The following ABCB5 variants were observed in gnomAD, a reference collection of about 807,000 sequenced individuals.
The protein encoded by ABCB5 is ATP binding cassette subfamily B member 5, also known as ATP-binding cassette sub-family B member 5.
A neutral mutation model predicts 144.2 loss-of-function variants in ABCB5; 155 were observed. That is an observed-to-expected ratio of 1.08 (90% CI 0.94 to 1.23). ABCB5 has a LOEUF of 1.23. Ranked by LOEUF, ABCB5 falls within the 50% of genes most tolerant of loss-of-function variation. The pLI is 0.00. For missense variants in ABCB5, 1,830 were observed against 1,520.8 expected (o/e 1.20, Z -3.38); for synonymous variants, 610 against 528.6 (o/e 1.15, Z -2.11).
At position 20,646,789 on chromosome 7, in the gene ABCB5, C is replaced by A. The variant is rs554118932; in HGVS notation, c.981+651C>A. On this transcript the variant is annotated intron_variant, in intron 9 of 27. Coordinates refer to ENST00000404938, the MANE Select transcript of ABCB5 (RefSeq NM_001163941.2). ...TTGATCCTTGTTTGGCCTTTCCATT[C>A]TTACAGATTTCTCTTCTTTCCATTA... 1.6e-3 allele frequency among the ~76,000 whole-genome samples: 251 copies of A among 152,308 alleles called. 1 individual carries two copies. Among genetic ancestry groups the A allele is most frequent in the African/African-American group, 5.7e-3 (235 of 41,572 alleles).
At chr7:20,682,737 C>T (rs551300142) in intron 15 of ABCB5, among the ~76,000 whole-genome samples, 43 of 152,230 alleles carry the variant, frequency 2.8e-4, no homozygotes, top group African/African-American at 8.9e-4. Context: ...GGGATGCACA[C>T]GTAAAACCTT....
chr7:20,681,022 CTTTCTTTCTTTCTCTTTCTTTCTT>C lies in ABCB5; in HGVS notation c.1708-481_1708-458del, dbSNP rs879756355. Among the ~76,000 whole-genome samples the C allele has an allele frequency of 2.5e-3, 175 of 68,986 alleles. 11 individuals carry two copies. Among genetic ancestry groups the C allele is most frequent in the South Asian group, 5.1e-3 (8 of 1,562 alleles). 45.3% of individuals were successfully genotyped at this position (68,986 alleles called of 152,430 possible). A position where few individuals can be genotyped will look rare whatever the true frequency, so the allele number is the denominator to read the frequency against. ...TCTTTCTTTCTTTCTTTCTTTCTTT[CTTTCTTTCTTTCTCTTTCTTTCTT>C]TCTCTCTCTCTCTCTTTCTTTCTTT... is the stretch of plus-strand genomic sequence containing the variant. On this transcript the variant is annotated intron_variant, in intron 14 of 27. Coordinates refer to ENST00000404938, the MANE Select transcript of ABCB5 (RefSeq NM_001163941.2).
chr7:20,701,787 ATAAGT>A (rs1484442017), intron 19 of ABCB5, among the ~76,000 whole-genome samples: 1 of 152,246 alleles, frequency 6.6e-6, no homozygotes, highest in East Asian at 1.9e-4. Context: ...AAATATCCCC[ATAAGT>A]TAAGTTGTTT....
In ABCB5 at chr7:20,669,739, A is replaced by AG. The variant is rs1554282934; in HGVS notation, c.1707+11063_1707+11064insG. Among the ~76,000 whole-genome samples, 332 of 132,524 alleles carry AG rather than the reference A, an allele frequency of 2.5e-3. 1 individual carries two copies. The highest frequency in any genetic ancestry group is 5.5e-3 in the African/African-American group (194 of 35,446). The allele number at this position is 132,524 out of a possible 152,430, so 86.9% of individuals were successfully genotyped here. A position where few individuals can be genotyped will look rare whatever the true frequency, so the allele number is the denominator to read the frequency against. ...AATGATCAATAAAAAAAAAAAAAAA[A>AG]AAAAGAAAATAACATTCGTAACTTT... On this transcript the variant is annotated intron_variant, in intron 14 of 27. Coordinates refer to ENST00000404938, the MANE Select transcript of ABCB5 (RefSeq NM_001163941.2).
intron 16 of ABCB5, among the ~76,000 whole-genome samples, chr7:20,688,086 G>A (rs544501338): frequency 1.4e-4 from 21 of 152,092 alleles, no homozygotes; most frequent in Admixed American, 1.1e-3. Context: ...CTAGCTACTC[G>A]GGAGGCTGAG....
chr7:20,623,620 A>G (rs573133317), intron 2 of ABCB5, among the ~76,000 whole-genome samples: 1 of 152,248 alleles, frequency 6.6e-6, no homozygotes, highest in South Asian at 2.1e-4. Flanking sequence ...CTTGTCCACC[A>G]TTATACAGAA....
At chr7:20,688,632 G>T (rs11762814) in intron 16 of ABCB5, among the ~76,000 whole-genome samples, 1 of 151,994 alleles carries the variant, frequency 6.6e-6, no homozygotes, top group Non-Finnish European at 1.5e-5. Flanking sequence ...TATACCCCAA[G>T]GATTATAAAT....
chr7:20,645,655 A>G (rs1784386276), intron 7 of ABCB5, 101 bp from the exon 8 acceptor site: 2 of 1,387,262 alleles, frequency 1.4e-6, no homozygotes, highest in East Asian at 2.3e-5. Flanking sequence ...CTAAAAAAAT[A>G]CCATTAGTCT....
chr7:20,630,031 A>G lies in ABCB5; in HGVS notation c.259+1193A>G, dbSNP rs1784004131. ...TCTTATCTGTAGGCATCTTTCGTGT[A>G]TCGTTTGTAGCCTCCTATTTCAGGG... On this transcript the variant is annotated intron_variant, in intron 4 of 27. Coordinates refer to ENST00000404938, the MANE Select transcript of ABCB5 (RefSeq NM_001163941.2). Among the ~76,000 whole-genome samples the G allele has an allele frequency of 2.0e-5, 3 of 151,952 alleles. No homozygotes were observed. In the South Asian group the frequency reaches 6.2e-4, roughly 32 times the overall value.
At position 20,648,217 on chromosome 7, in the gene ABCB5, T is replaced by C. The variant is rs1281007193; in HGVS notation, c.1206+139T>C. ...TTGCTTAGAGACTTGAGGAGGTAGA[T>C]AAATAATGGACAAATAACTCTGGAT... is the stretch of plus-strand genomic sequence containing the variant. On this transcript the variant is annotated intron_variant, in intron 11 of 27. Coordinates refer to ENST00000404938, the MANE Select transcript of ABCB5 (RefSeq NM_001163941.2). The C allele has an allele frequency of 8.2e-6, 5 of 612,808 alleles. No individual in the cohort carries two copies. The Admixed American group carries it at 1.5e-4, about 18-fold the overall frequency. The allele number at this position is 612,808 out of a possible 1,614,324, so 38.0% of individuals were successfully genotyped here. A position where few individuals can be genotyped will look rare whatever the true frequency, so the allele number is the denominator to read the frequency against.
At chr7:20,628,562 C>T in intron 3 of ABCB5, 126 bp from the exon 4 acceptor site, 1 of 860,882 alleles carries the variant, frequency 1.2e-6, no homozygotes, top group Non-Finnish European at 1.7e-6. Flanking sequence ...CACTTATTTA[C>T]CATCTTAATG....
intron 14 of ABCB5, among the ~76,000 whole-genome samples, chr7:20,677,356 TG>T (rs1315896273): frequency 6.6e-6 from 1 of 152,198 alleles, no homozygotes; most frequent in Non-Finnish European, 1.5e-5. Context: ...ATTTAGAAGC[TG>T]AATAATAATT....
rs1401183660 is a variant in ABCB5 at position 20,645,842 on chromosome 7, A to C, written c.765A>C (p.Thr255=). ...AAGAAGTCTTGTCATCAATCCGAAC[A>C]GTCATAGCCTTTAGGGCCCAGGAGA... The part of the protein sequence containing the change: ...VAEEVLSSIR[T]VIAFRAQEKE... The change falls in exon 8 of 28, where the codon ACA becomes ACC. Residue 255 remains threonine (T), a synonymous_variant. Transcript: ENST00000404938. 3.7e-5 allele frequency: 59 copies of C among 1,613,766 alleles called. No homozygotes were observed. Among genetic ancestry groups the C allele is most frequent in the Non-Finnish European group, 4.8e-5 (57 of 1,179,784 alleles).
rs1783083534 is a variant in ABCB5, at chr7:20,756,247, G to C, written c.*623G>C. ...CTCCTACTTCACCAGTAAGTGAAGT[G>C]CCTCACATGAGCCATCCCAAAGATT... On this transcript the variant is annotated 3_prime_UTR_variant, in exon 28 of 28. Transcript: ENST00000404938. The C allele has an allele frequency of 6.6e-6, 1 of 152,420 alleles. No individual in the cohort carries two copies. The highest frequency in any genetic ancestry group is 2.4e-5 in the African/African-American group (1 of 41,456). 9.4% of individuals were successfully genotyped at this position (152,420 alleles called of 1,614,324 possible). A position where few individuals can be genotyped will look rare whatever the true frequency, so the allele number is the denominator to read the frequency against.
intron 23 of ABCB5, among the ~76,000 whole-genome samples, chr7:20,732,134 A>G (rs944784179): frequency 8.5e-5 from 13 of 152,084 alleles, no homozygotes; most frequent in Admixed American, 5.9e-4. Context: ...CATCAGCCCC[A>G]CACTTGCCAT....
chr7:20,665,558 C>T (rs1785149008), intron 14 of ABCB5, among the ~76,000 whole-genome samples: 2 of 151,984 alleles, frequency 1.3e-5, no homozygotes, highest in African/African-American at 4.8e-5. Context: ...GAGAAGTTCT[C>T]AGACTGTATT....
At chr7:20,667,048 T>G (rs554621659) in intron 14 of ABCB5, 1 of 553,656 alleles carries the variant, frequency 1.8e-6, no homozygotes, top group African/African-American at 2.0e-5. Flanking sequence ...GATGTATTTT[T>G]CTAGTACACT....
chr7:20,641,595 C>A (rs928086428), intron 5 of ABCB5: 1 of 154,056 alleles, frequency 6.5e-6, no homozygotes, highest in Non-Finnish European at 1.5e-5. Flanking sequence ...AATTGAACAT[C>A]CTGGGTCTAT....
At chr7:20,728,893 T>G (rs1782123902) in intron 23 of ABCB5, among the ~76,000 whole-genome samples, 1 of 152,232 alleles carries the variant, frequency 6.6e-6, no homozygotes, top group Non-Finnish European at 1.5e-5. Flanking sequence ...GCTTGAATTT[T>G]TTTTAAGTTG....
Sources: gnomAD v4.1 joint callset for allele counts (sites outside exome capture counted in the v4.1 genomes callset) on GRCh38, gnomAD v4.1.1 for gene constraint, MANE v1.5 for transcripts, NCBI Gene and HGNC (gene_info 2026-07-23, HGNC 2026-07-21) for gene names.